Variants in AFF3 observed in about 807,000 individuals in gnomAD.
AFF3 encodes the protein ALF transcription elongation factor 3, also known as AF4/FMR2 family member 3.
A neutral mutation model predicts 129.7 loss-of-function variants in AFF3; 32 were observed. That is an observed-to-expected ratio of 0.25 (90% CI 0.19 to 0.33). AFF3 has a LOEUF of 0.33. Ranked by LOEUF, AFF3 falls within the 10% of genes least tolerant of loss-of-function variation. The probability of loss-of-function intolerance (pLI) is 1.00; values close to 1 mark genes in which losing one functional copy is unlikely to be tolerated. For missense variants in AFF3, 1,373 were observed against 1,592.0 expected (o/e 0.86, Z 2.34); for synonymous variants, 644 against 635.4 (o/e 1.01, Z -0.20).
At chr2:99,934,511 T>C (rs950969165) in intron 7 of AFF3, among the ~76,000 whole-genome samples, 6 of 151,952 alleles carry the variant, frequency 3.9e-5, no homozygotes, top group Non-Finnish European at 1.5e-5. Flanking sequence ...GCCAATGACA[T>C]GTAAAGCAAA....
At chr2:99,807,457 T>C (rs1482111625) in intron 8 of AFF3, among the ~76,000 whole-genome samples, 1 of 152,218 alleles carries the variant, frequency 6.6e-6, no homozygotes, top group Non-Finnish European at 1.5e-5. Flanking sequence ...TTTGGCTTTC[T>C]GATATCTCAG....
chr2:99,705,883 A>AAAAC (rs1167221316), intron 11 of AFF3, among the ~76,000 whole-genome samples: 1 of 151,060 alleles, frequency 6.6e-6, no homozygotes, highest in African/African-American at 2.4e-5. Flanking sequence ...TCAAAAAAAA[A>AAAAC]AAAAAAAAAA....
At chr2:99,835,759 G>A (rs1403579400) in intron 8 of AFF3, among the ~76,000 whole-genome samples, 4 of 152,028 alleles carry the variant, frequency 2.6e-5, no homozygotes, top group Non-Finnish European at 5.9e-5. Flanking sequence ...CTGCCCTCTC[G>A]CACACACATG....
chr2:99,551,153 G>A lies in AFF3; in HGVS notation c.*321C>T, dbSNP rs969621863. The A allele has an allele frequency of 7.5e-5, 33 of 439,290 alleles. No individual in the cohort carries two copies. Among genetic ancestry groups the A allele is most frequent in the African/African-American group, 5.6e-4 (28 of 50,160 alleles). The allele number at this position is 439,290 out of a possible 1,614,324, so 27.2% of individuals were successfully genotyped here. A position where few individuals can be genotyped will look rare whatever the true frequency, so the allele number is the denominator to read the frequency against. On this transcript the variant is annotated 3_prime_UTR_variant, in exon 25 of 25. Transcript: ENST00000672756. ...TGTCTGTGATTGTGTGTGAGTGTAC[G>A]GTGTGTGTGTGTGTGTGTGTGTGTG...
chr2:100,050,973 T>C (rs11693804), intron 4 of AFF3, among the ~76,000 whole-genome samples: 19,413 of 152,296 alleles, frequency 0.13, 1,594 homozygotes, highest in South Asian at 0.2. Flanking sequence ...CATCCTCTCC[T>C]ACCCAGACAG....
rs947897242 is a variant in AFF3, at chr2:99,568,301, C to T, written c.2982+551G>A. On this transcript the variant is annotated intron_variant, in intron 19 of 24. Transcript: ENST00000672756. ...GAAAACAAAGTTTTCCATCTCTTGCCTGAGAGCTTCAAGCTTTCCAAAACA... is the reference window on the plus strand; with the variant it reads ...GAAAACAAAGTTTTCCATCTCTTGCTTGAGAGCTTCAAGCTTTCCAAAACA... Among the ~76,000 whole-genome samples the T allele has an allele frequency of 2.0e-5, 3 of 152,168 alleles. No individual in the cohort carries two copies. The East Asian group carries it at 5.8e-4, about 29-fold the overall frequency.
intron 12 of AFF3, among the ~76,000 whole-genome samples, chr2:99,666,592 T>G (rs1309730496): frequency 1.3e-5 from 2 of 152,196 alleles, no homozygotes; most frequent in African/African-American, 4.8e-5. Flanking sequence ...ATGTATCAAT[T>G]AAAACACAGA....
chr2:99,882,306 A>C (rs1368289010), intron 7 of AFF3, among the ~76,000 whole-genome samples: 1 of 152,216 alleles, frequency 6.6e-6, no homozygotes, highest in Non-Finnish European at 1.5e-5. Flanking sequence ...CACTCTGCCG[A>C]ATAAATTATC....
At chr2:99,969,967 G>C (rs529663118) in intron 7 of AFF3, among the ~76,000 whole-genome samples, 1 of 152,138 alleles carries the variant, frequency 6.6e-6, no homozygotes, top group Non-Finnish European at 1.5e-5. Context: ...TCCTCTTGCA[G>C]GCATTCTCTG....
intron 11 of AFF3, among the ~76,000 whole-genome samples, chr2:99,680,325 T>C (rs1294442543): frequency 1.3e-5 from 2 of 152,222 alleles, no homozygotes; most frequent in Non-Finnish European, 2.9e-5. Flanking sequence ...TAAGGACTTC[T>C]AGAAAATTAG....
intron 12 of AFF3, among the ~76,000 whole-genome samples, chr2:99,670,952 G>A (rs1301499313): frequency 1.3e-5 from 2 of 152,076 alleles, no homozygotes; most frequent in African/African-American, 2.4e-5. Flanking sequence ...AGCAAAATGA[G>A]TCAACTAAAA....
chr2:99,668,666 G>A (rs1035248343), intron 12 of AFF3, among the ~76,000 whole-genome samples: 2 of 151,862 alleles, frequency 1.3e-5, no homozygotes, highest in African/African-American at 4.8e-5. Context: ...AGGTTCAAGC[G>A]ATTCTCCTGC....
intron 14 of AFF3, among the ~76,000 whole-genome samples, chr2:99,600,349 C>T (rs908904533): frequency 6.6e-6 from 1 of 151,962 alleles, no homozygotes; most frequent in African/African-American, 2.4e-5. Context: ...CTTTAGCCTC[C>T]TGAAAGAAGT....
intron 7 of AFF3, among the ~76,000 whole-genome samples, chr2:99,868,081 G>A (rs1430359784): frequency 2.0e-5 from 3 of 148,754 alleles, no homozygotes; most frequent in African/African-American, 5.0e-5. Flanking sequence ...ACTGAAAAAC[G>A]CACAGATGGG....
At chr2:99,986,175 T>C (rs908348242) in intron 7 of AFF3, among the ~76,000 whole-genome samples, 2 of 149,626 alleles carry the variant, frequency 1.3e-5, no homozygotes, top group Admixed American at 6.7e-5. Flanking sequence ...CACTCCAGCC[T>C]GGGCGACAGA....
At chr2:99,749,495 C>G (rs1427972201) in intron 9 of AFF3, among the ~76,000 whole-genome samples, 1 of 152,232 alleles carries the variant, frequency 6.6e-6, no homozygotes, top group Non-Finnish European at 1.5e-5. Context: ...GATACCTACA[C>G]ATAACAAAAA....
chr2:99,962,139 C>T (rs1235834370), intron 7 of AFF3, among the ~76,000 whole-genome samples: 1 of 152,172 alleles, frequency 6.6e-6, no homozygotes, highest in Non-Finnish European at 1.5e-5. Flanking sequence ...AGGCTACATA[C>T]TCCACTGCTC....
intron 13 of AFF3, among the ~76,000 whole-genome samples, chr2:99,648,536 G>C (rs1684896722): frequency 6.6e-6 from 1 of 152,116 alleles, no homozygotes; most frequent in African/African-American, 2.4e-5. Context: ...GGACACGCAG[G>C]CTTGTGTGGT....
chr2:99,935,909 G>A (rs2106321548), intron 7 of AFF3, among the ~76,000 whole-genome samples: 1 of 152,234 alleles, frequency 6.6e-6, no homozygotes, highest in Non-Finnish European at 1.5e-5. Flanking sequence ...CCGTCTACGT[G>A]AAACAATACA....
Sources: allele counts gnomAD v4.1 joint callset (sites outside exome capture counted in the v4.1 genomes callset), GRCh38; gene constraint gnomAD v4.1.1; transcripts MANE v1.5; gene names NCBI Gene and HGNC (gene_info 2026-07-23, HGNC 2026-07-21).